Variants in CEP97 observed in about 807,000 individuals in gnomAD.
The protein encoded by CEP97 is centrosomal protein 97.
A neutral mutation model predicts 73.1 loss-of-function variants in CEP97; 43 were observed. That is an observed-to-expected ratio of 0.59 (90% CI 0.46 to 0.76). The LOEUF (loss-of-function observed/expected upper bound fraction) is 0.76, where lower values mean the gene tolerates loss of function less well. CEP97 is among the 30% of genes least tolerant of loss of function. The pLI, the probability that CEP97 is intolerant of heterozygous loss-of-function variation, is 0.00. For synonymous variants in CEP97, 337 were observed against 370.0 expected, an observed-to-expected ratio of 0.91 and a Z score of 1.02; for missense variants, 939 against 1,014.0, an observed-to-expected ratio of 0.93 and a Z score of 1.00.
rs751650337 is a variant in CEP97, at chr3:101,731,939, C to T, written c.547C>T (p.Arg183Ter). Residue 183 changes from arginine (R) to a stop codon, truncating the protein, a stop_gained, in exon 5 of 11, where the codon CGA (arginine) becomes TGA (stop). Transcript: ENST00000341893. LOFTEE classifies it high-confidence loss of function. The part of the protein sequence containing the change: ...AILSLAENEI[R>*]DLNEISFLAS... ...ACTTTCTTTGGCAGAAAATGAAATC[C>T]GAGACTTAAATGAGGTAAAATTTGA... 4.8e-5 allele frequency: 77 copies of T among 1,592,048 alleles called. No homozygotes were observed. The highest frequency in any genetic ancestry group is 6.3e-5 in the Non-Finnish European group (73 of 1,160,774).
intron 6 of CEP97, among the ~76,000 whole-genome samples, chr3:101,753,449 A>T (rs1377518888): frequency 6.6e-6 from 1 of 152,224 alleles, no homozygotes; most frequent in Non-Finnish European, 1.5e-5. Context: ...AGACAGGGAC[A>T]GTTAAGTCTG....
At position 101,755,433 on chromosome 3, in the gene CEP97, G is replaced by A. The variant is rs1272476927; in HGVS notation, c.732G>A (p.Leu244=). ...TTTTTATGTTCCCCAATTCCAGTTTGAAAGCTGAATGGCTCTATAGTCAAG... is the reference window on the plus strand; with the variant it reads ...TTTTTATGTTCCCCAATTCCAGTTTAAAAGCTGAATGGCTCTATAGTCAAG... The part of the protein sequence containing the change: ...DGYVISQKES[L]KAEWLYSQGK... The change falls in exon 7 of 11, where the codon TTG becomes TTA. Residue 244 remains leucine (L), a synonymous_variant. Transcript: ENST00000341893. The A allele has an allele frequency of 1.9e-6, 3 of 1,613,742 alleles. No individual in the cohort carries two copies. The highest frequency in any genetic ancestry group is 2.5e-6 in the Non-Finnish European group (3 of 1,179,856).
chr3:101,757,537 G>C, intron 8 of CEP97, 97 bp from the exon 9 acceptor site: 3 of 1,176,184 alleles, frequency 2.6e-6, no homozygotes, highest in Non-Finnish European at 3.5e-6. Context: ...GGATTTTTTT[G>C]CATTTTACTC....
chr3:101,756,820 C>G (rs1939017746), intron 7 of CEP97, among the ~76,000 whole-genome samples: 1 of 152,082 alleles, frequency 6.6e-6, no homozygotes, highest in Non-Finnish European at 1.5e-5. Context: ...GAGATCCTGC[C>G]TTTAAATGTT....
rs575974464 is a variant in CEP97, at chr3:101,763,558, T to C, written c.1893+998T>C. Among the ~76,000 whole-genome samples, 7 of 152,300 alleles carry C rather than the reference T, an allele frequency of 4.6e-5. No individual in the cohort carries two copies. In the South Asian group the frequency reaches 1.4e-3, roughly 32 times the overall value. On this transcript the variant is annotated intron_variant, in intron 10 of 10. Coordinates refer to ENST00000341893, the MANE Select transcript of CEP97 (RefSeq NM_024548.4). Reference sequence around the variant, plus strand: ...ACCTAGAAAAAAGTCTGGAAGGATATGCATCAAGTTGCTGTCAGTAATTAC... The same window carrying C: ...ACCTAGAAAAAAGTCTGGAAGGATACGCATCAAGTTGCTGTCAGTAATTAC...
chr3:101,764,560 G>A (rs532204372), intron 10 of CEP97, among the ~76,000 whole-genome samples: 132 of 151,442 alleles, frequency 8.7e-4, no homozygotes, highest in Non-Finnish European at 1.3e-3. Context: ...GCGGTAAGCC[G>A]AGATTGTGCC....
At chr3:101,730,228 G>GTTTTT (rs200862375) in intron 4 of CEP97, among the ~76,000 whole-genome samples, 2 of 115,528 alleles carry the variant, frequency 1.7e-5, no homozygotes, top group Non-Finnish European at 3.9e-5. Context: ...GGCCGAGTCT[G>GTTTTT]TTTTTTTGTT....
intron 6 of CEP97, among the ~76,000 whole-genome samples, chr3:101,752,335 C>A (rs1348965599): frequency 1.3e-5 from 2 of 152,050 alleles, no homozygotes; most frequent in South Asian, 4.2e-4. Context: ...ACATTTTTTC[C>A]TTCATTTCAA....
Position 101,765,686 on chromosome 3 carries a change from A to G in CEP97, c.*135A>G. On this transcript the variant is annotated 3_prime_UTR_variant, in exon 11 of 11. Coordinates refer to ENST00000341893, the MANE Select transcript of CEP97 (RefSeq NM_024548.4). The stretch of plus-strand genomic sequence containing the variant: ...TATATAGAATTTGTATTCATGTCTT[A>G]TATTTTTCAGATTCTAGATATTGAG... 3.0e-6 allele frequency: 2 copies of G among 671,644 alleles called. No individual in the cohort carries two copies. The highest frequency in any genetic ancestry group is 3.6e-5 in the African/African-American group (2 of 54,944). The allele number at this position is 671,644 out of a possible 1,614,324, so 41.6% of individuals were successfully genotyped here. A position where few individuals can be genotyped will look rare whatever the true frequency, so the allele number is the denominator to read the frequency against.
At chr3:101,741,295 A>G (rs567238481) in intron 6 of CEP97, among the ~76,000 whole-genome samples, 1 of 152,230 alleles carries the variant, frequency 6.6e-6, no homozygotes, top group African/African-American at 2.4e-5. Flanking sequence ...TAAATGTAAG[A>G]CCTAAAACTG....
At chr3:101,733,955 T>C (rs1241847148) in intron 6 of CEP97, among the ~76,000 whole-genome samples, 1 of 152,192 alleles carries the variant, frequency 6.6e-6, no homozygotes, top group Non-Finnish European at 1.5e-5. Flanking sequence ...GCCTCCCAAG[T>C]AGCTGGAATT....
At position 101,767,617 on chromosome 3, in the gene CEP97, A is replaced by G. The variant is rs2107202049; in HGVS notation, c.*2066A>G. On this transcript the variant is annotated 3_prime_UTR_variant, in exon 11 of 11. Coordinates refer to ENST00000341893, the MANE Select transcript of CEP97 (RefSeq NM_024548.4). ...GGAAAAACACAACTAAATTCATTTG[A>G]TCATCAGCACTTGTTAGCAGGATTT... is the stretch of plus-strand genomic sequence containing the variant. 1 of 152,316 alleles carries G rather than the reference A, an allele frequency of 6.6e-6. No homozygotes were observed. The highest frequency in any genetic ancestry group is 2.1e-4 in the South Asian group (1 of 4,830). 9.4% of individuals were successfully genotyped at this position (152,316 alleles called of 1,614,324 possible). A position where few individuals can be genotyped will look rare whatever the true frequency, so the allele number is the denominator to read the frequency against.
chr3:101,757,957 G>A lies in CEP97; in HGVS notation c.1351G>A (p.Glu451Lys), dbSNP rs148022010. 1 of 1,614,218 alleles carries A rather than the reference G, an allele frequency of 6.2e-7. No homozygotes were observed. The highest frequency in any genetic ancestry group is 2.2e-5 in the East Asian group (1 of 44,890). The change falls in exon 9 of 11, where the codon GAA becomes AAA. Residue 451 changes from glutamate to lysine, a missense_variant. Coordinates refer to ENST00000341893, the MANE Select transcript of CEP97 (RefSeq NM_024548.4). The stretch of plus-strand genomic sequence containing the variant: ...GCTGGAAAGCCAGGTGTTGGATAAG[G>A]AAGAGGAACAGCCTTTATGGGCTGC... ...KGLESQVLDK[E>K]EEQPLWAANE...
In CEP97 at chr3:101,760,214, A is replaced by G; in HGVS notation, c.1817+1791A>G. ...TGCTGCTTCTTTTTCAATAATGTATAAGATGTGGTCAACACCTGAAAATGA... is the reference window on the plus strand; with the variant it reads ...TGCTGCTTCTTTTTCAATAATGTATGAGATGTGGTCAACACCTGAAAATGA... On this transcript the variant is annotated intron_variant, in intron 9 of 10. Coordinates refer to ENST00000341893, the MANE Select transcript of CEP97 (RefSeq NM_024548.4). 1.3e-5 allele frequency among the ~76,000 whole-genome samples: 2 copies of G among 152,016 alleles called. 1 individual carries two copies. Among genetic ancestry groups the G allele is most frequent in the East Asian group, 3.9e-4 (2 of 5,192 alleles).
intron 1 of CEP97, among the ~76,000 whole-genome samples, chr3:101,725,490 G>T (rs1937850535): frequency 6.6e-6 from 1 of 152,176 alleles, no homozygotes; most frequent in African/African-American, 2.4e-5. Flanking sequence ...GTAAATTCTT[G>T]GGGGAAGAGT....
chr3:101,769,751 C>G lies in CEP97; in HGVS notation c.*4200C>G, dbSNP rs1476339370. ...TTTTAAATGTTAAATATATGATACC[C>G]TCATTCATGAAGTGAAGCAGAAAGG... On this transcript the variant is annotated 3_prime_UTR_variant, in exon 11 of 11. Coordinates refer to ENST00000341893, the MANE Select transcript of CEP97 (RefSeq NM_024548.4). 1.3e-5 allele frequency: 2 copies of G among 152,130 alleles called. No homozygotes were observed. The highest frequency in any genetic ancestry group is 3.8e-4 in the East Asian group (2 of 5,208). 9.4% of individuals were successfully genotyped at this position (152,130 alleles called of 1,614,324 possible).
At chr3:101,724,975 C>A (rs1010543606) in intron 1 of CEP97, among the ~76,000 whole-genome samples, 1 of 152,216 alleles carries the variant, frequency 6.6e-6, no homozygotes, top group Non-Finnish European at 1.5e-5. Flanking sequence ...CCCTGGCTCC[C>A]GCGCTCCCGA....
At position 101,758,494 on chromosome 3, in the gene CEP97, A is replaced by C. The variant is rs537238520; in HGVS notation, c.1817+71A>C. The C allele has an allele frequency of 5.8e-5, 89 of 1,543,808 alleles. 1 individual carries two copies. In the African/African-American group the frequency reaches 9.8e-4, roughly 17 times the overall value. ...TGTTAGATTCTTATAGTTGATTCAG[A>C]ACACTGTGCTTCTGTGATTATAACA... is the stretch of plus-strand genomic sequence containing the variant. On this transcript the variant is annotated intron_variant, in intron 9 of 10. Coordinates refer to ENST00000341893, the MANE Select transcript of CEP97 (RefSeq NM_024548.4).
Position 101,755,608 on chromosome 3 carries a change from T to C in CEP97, c.893+14T>C. 2 of 1,612,932 alleles carry C rather than the reference T, an allele frequency of 1.2e-6. No individual in the cohort carries two copies. The highest frequency in any genetic ancestry group is 1.7e-6 in the Non-Finnish European group (2 of 1,179,050). Reference sequence around the variant, plus strand: ...GAGCAAACAGAGGTAAGCCCATTTATTTCTAACAACTGATGAATTCACAAG... The same window carrying C: ...GAGCAAACAGAGGTAAGCCCATTTACTTCTAACAACTGATGAATTCACAAG... On this transcript the variant is annotated intron_variant, in intron 7 of 10. Coordinates refer to ENST00000341893, the MANE Select transcript of CEP97 (RefSeq NM_024548.4).
Sources: gnomAD v4.1 joint callset for allele counts (sites outside exome capture counted in the v4.1 genomes callset) on GRCh38, gnomAD v4.1.1 for gene constraint, MANE v1.5 for transcripts, NCBI Gene and HGNC (gene_info 2026-07-23, HGNC 2026-07-21) for gene names.